The following CDH13 variants were observed in gnomAD, a reference collection of about 807,000 sequenced individuals.
The protein encoded by CDH13 is cadherin-13.
Under a neutral mutation model 63.8 loss-of-function variants are expected in CDH13, and 24 were observed. The observed-to-expected ratio is 0.38, with a 90% CI of 0.27 to 0.53. CDH13 has a LOEUF of 0.53. CDH13 is among the 20% of genes least tolerant of loss of function. CDH13 has a pLI of 0.85. For missense variants in CDH13, 1,049 were observed against 903.1 expected, an observed-to-expected ratio of 1.16 and a Z score of -2.07; for synonymous variants, 503 against 355.3, an observed-to-expected ratio of 1.42 and a Z score of -4.67.
chr16:82,752,258 T>A (rs12929312), intron 1 of CDH13, among the ~76,000 whole-genome samples: 16,459 of 152,210 alleles, frequency 0.11, 1,093 homozygotes, highest in Middle Eastern at 0.22. Flanking sequence ...GTAATGGAAC[T>A]AATAGTGGAT....
intron 1 of CDH13, among the ~76,000 whole-genome samples, chr16:82,647,062 C>T (rs1482226335): frequency 1.3e-5 from 2 of 152,140 alleles, no homozygotes; most frequent in Non-Finnish European, 2.9e-5. Context: ...AGAGCCCAGG[C>T]CTCGAGGGAA....
At chr16:82,851,292 G>T (rs1260858567) in intron 1 of CDH13, among the ~76,000 whole-genome samples, 1 of 151,938 alleles carries the variant, frequency 6.6e-6, no homozygotes, top group African/African-American at 2.4e-5. Context: ...AAAATTAGCT[G>T]GGCATAGTGG....
At chr16:83,065,145 C>T (rs927683925) in intron 3 of CDH13, among the ~76,000 whole-genome samples, 1 of 152,154 alleles carries the variant, frequency 6.6e-6, no homozygotes, top group Admixed American at 6.6e-5. Context: ...ATCCACTGGC[C>T]ACCTTTGTCT....
At chr16:83,512,205 C>A (rs370679898) in intron 7 of CDH13, among the ~76,000 whole-genome samples, 4 of 151,510 alleles carry the variant, frequency 2.6e-5, no homozygotes, top group African/African-American at 9.7e-5. Flanking sequence ...CCTGTAGTCC[C>A]AGCTACTCGG....
chr16:82,758,402 A>ACCT (rs2034701566), intron 1 of CDH13, among the ~76,000 whole-genome samples: 1 of 146,050 alleles, frequency 6.8e-6, no homozygotes, highest in African/African-American at 2.6e-5. Flanking sequence ...CTGTGTCACC[A>ACCT]CCTTGGCCCA....
At chr16:83,083,461 C>G (rs542959599) in intron 3 of CDH13, among the ~76,000 whole-genome samples, 1 of 152,174 alleles carries the variant, frequency 6.6e-6, no homozygotes, top group African/African-American at 2.4e-5. Context: ...GGAACAAAAT[C>G]CTTGCCCCCA....
chr16:83,761,703 T>A (rs1913982512), intron 11 of CDH13, among the ~76,000 whole-genome samples: 1 of 152,208 alleles, frequency 6.6e-6, no homozygotes, highest in Non-Finnish European at 1.5e-5. Flanking sequence ...GGGAAACCTT[T>A]AGGCGGAACT....
intron 2 of CDH13, among the ~76,000 whole-genome samples, chr16:82,908,041 GGGTAAATAATATATCTGTT>G (rs1232463071): frequency 3.3e-5 from 5 of 152,150 alleles, no homozygotes; most frequent in African/African-American, 1.2e-4. Context: ...AGGTTATTCT[GGGTAAATAATATATCTGTT>G]GGATTTATTG....
intron 6 of CDH13, among the ~76,000 whole-genome samples, chr16:83,358,924 C>T (rs1019950644): frequency 2.6e-5 from 4 of 152,128 alleles, no homozygotes; most frequent in Middle Eastern, 3.2e-3. Flanking sequence ...ACTGTAATTT[C>T]AGATCACAGT....
chr16:83,021,441 A>G (rs1915336115), intron 2 of CDH13, among the ~76,000 whole-genome samples: 1 of 152,236 alleles, frequency 6.6e-6, no homozygotes, highest in East Asian at 1.9e-4. Flanking sequence ...AGAACGTAAG[A>G]CTGACACACA....
chr16:83,397,778 C>T (rs1306544909), intron 6 of CDH13: 4 of 152,180 alleles, frequency 2.6e-5, no homozygotes, highest in African/African-American at 9.7e-5. Flanking sequence ...CTCTTGATGG[C>T]AAGAATCTAA....
chr16:82,921,007 C>T (rs991257483), intron 2 of CDH13, among the ~76,000 whole-genome samples: 1 of 152,056 alleles, frequency 6.6e-6, no homozygotes, highest in African/African-American at 2.4e-5. Context: ...TTTTTGTCCT[C>T]TAGTCTATTA....
chr16:82,736,131 C>G (rs891549919), intron 1 of CDH13, among the ~76,000 whole-genome samples: 1 of 152,186 alleles, frequency 6.6e-6, no homozygotes, highest in Non-Finnish European at 1.5e-5. Context: ...GTTTTGCTTT[C>G]TATGTTTCTC....
intron 6 of CDH13, among the ~76,000 whole-genome samples, chr16:83,375,666 A>C (rs1247574044): frequency 6.6e-6 from 1 of 152,210 alleles, no homozygotes; most frequent in Non-Finnish European, 1.5e-5. Context: ...TGATGGGGTG[A>C]GGCTAGGGAG....
In CDH13 at chr16:83,355,237, G is replaced by A. The variant is rs535326669; in HGVS notation, c.781+10231G>A. Among the ~76,000 whole-genome samples, 3 of 152,316 alleles carry A rather than the reference G, an allele frequency of 2.0e-5. No homozygotes were observed. In the East Asian group the frequency reaches 5.8e-4, roughly 29 times the overall value. On this transcript the variant is annotated intron_variant, in intron 6 of 13. Coordinates refer to ENST00000567109, the MANE Select transcript of CDH13 (RefSeq NM_001257.5). ...GAAGAGATCACATAAAATTTTTACA[G>A]CAAGTGTGTGACAAATCGGAAAATT...
intron 4 of CDH13, among the ~76,000 whole-genome samples, chr16:83,145,044 C>A (rs1427692758): frequency 1.4e-5 from 2 of 147,532 alleles, no homozygotes; most frequent in East Asian, 4.0e-4. Flanking sequence ...GCCACTTGCC[C>A]TTGCAGACAC....
At chr16:83,315,232 C>T (rs563716208) in intron 5 of CDH13, among the ~76,000 whole-genome samples, 1 of 152,212 alleles carries the variant, frequency 6.6e-6, no homozygotes, top group Admixed American at 6.5e-5. Flanking sequence ...TCCGCTGAAT[C>T]CGAGGAAGGG....
At chr16:82,703,928 T>A (rs1225707810) in intron 1 of CDH13, among the ~76,000 whole-genome samples, 1 of 152,216 alleles carries the variant, frequency 6.6e-6, no homozygotes. Context: ...GCATCCGTGT[T>A]ATAGACTCCT....
chr16:82,771,568 A>T (rs2035267046), intron 1 of CDH13, among the ~76,000 whole-genome samples: 1 of 152,244 alleles, frequency 6.6e-6, no homozygotes, highest in Non-Finnish European at 1.5e-5. Context: ...GACATGGAGA[A>T]ACGGAGGCTC....
Sources: allele counts gnomAD v4.1 joint callset (sites outside exome capture counted in the v4.1 genomes callset), GRCh38; gene constraint gnomAD v4.1.1; transcripts MANE v1.5; gene names NCBI Gene and HGNC (gene_info 2026-07-23, HGNC 2026-07-21).